The following LRRC4C variants were observed in gnomAD, a reference collection of about 807,000 sequenced individuals.
LRRC4C encodes the protein leucine rich repeat containing 4C.
In LRRC4C, 5 loss-of-function variants were observed where a neutral mutation model predicts 33.6. The observed-to-expected ratio is 0.15, with a 90% CI of 0.08 to 0.31. The LOEUF (loss-of-function observed/expected upper bound fraction) is 0.31. Among genes scored for constraint, LRRC4C ranks in the 10% least tolerant of loss-of-function variants. The probability of loss-of-function intolerance (pLI) is 1.00; values close to 1 mark genes in which losing one functional copy is unlikely to be tolerated. For missense variants in LRRC4C, 560 were observed against 796.7 expected (o/e 0.70, Z 3.58); for synonymous variants, 329 against 302.0 (o/e 1.09, Z -0.93).
At chr11:40,620,522 G>C (rs1439941884) in intron 3 of LRRC4C, among the ~76,000 whole-genome samples, 1 of 151,738 alleles carries the variant, frequency 6.6e-6, no homozygotes, top group Non-Finnish European at 1.5e-5. Flanking sequence ...AATTGAGAAA[G>C]AGTATGTATT....
At chr11:41,416,206 A>G (rs1954674045) in intron 1 of LRRC4C, among the ~76,000 whole-genome samples, 2 of 152,200 alleles carry the variant, frequency 1.3e-5, no homozygotes, top group African/African-American at 4.8e-5. Flanking sequence ...AAAATGGAAC[A>G]ACCGGGGCAA....
chr11:41,125,948 G>C (rs1942715306), intron 1 of LRRC4C, among the ~76,000 whole-genome samples: 1 of 152,066 alleles, frequency 6.6e-6, no homozygotes, highest in Non-Finnish European at 1.5e-5. Flanking sequence ...CCTTTTGTGA[G>C]CTATGTAATG....
intron 3 of LRRC4C, among the ~76,000 whole-genome samples, chr11:40,405,559 C>T (rs1949931016): frequency 6.7e-6 from 1 of 148,268 alleles, no homozygotes; most frequent in Admixed American, 6.7e-5. Context: ...ATCACTTGAA[C>T]CCAGGAGGCA....
chr11:40,313,689 G>C (rs2136778770), intron 4 of LRRC4C, among the ~76,000 whole-genome samples: 1 of 136,106 alleles, frequency 7.3e-6, no homozygotes, highest in South Asian at 2.3e-4. Flanking sequence ...CTCACTGCAA[G>C]CTCCACCTTC....
intron 2 of LRRC4C, among the ~76,000 whole-genome samples, chr11:40,720,822 G>T (rs959483933): frequency 6.6e-6 from 1 of 152,084 alleles, no homozygotes; most frequent in Non-Finnish European, 1.5e-5. Flanking sequence ...TGATGTATAG[G>T]TGTTATTCAT....
intron 1 of LRRC4C, among the ~76,000 whole-genome samples, chr11:41,005,002 T>C (rs1273311837): frequency 6.6e-6 from 1 of 151,888 alleles, no homozygotes; most frequent in Non-Finnish European, 1.5e-5. Flanking sequence ...ATTATTATTA[T>C]TATAATTATT....
intron 1 of LRRC4C, among the ~76,000 whole-genome samples, chr11:41,329,171 C>G (rs1951216194): frequency 6.6e-6 from 1 of 152,170 alleles, no homozygotes; most frequent in East Asian, 1.9e-4. Context: ...AAAGAATATG[C>G]TAACTTTCTA....
chr11:40,342,261 C>A (rs1946901792), intron 3 of LRRC4C, among the ~76,000 whole-genome samples: 1 of 151,970 alleles, frequency 6.6e-6, no homozygotes, highest in Non-Finnish European at 1.5e-5. Flanking sequence ...ATGAGGTCAA[C>A]AGATCAAGAC....
intron 1 of LRRC4C, among the ~76,000 whole-genome samples, chr11:41,147,882 A>G (rs976930134): frequency 6.6e-6 from 1 of 152,172 alleles, no homozygotes; most frequent in African/African-American, 2.4e-5. Flanking sequence ...TTGATCCAGG[A>G]GTCCAAGACC....
intron 1 of LRRC4C, among the ~76,000 whole-genome samples, chr11:41,295,014 GGTT>G (rs1412366489): frequency 6.6e-6 from 1 of 152,010 alleles, no homozygotes; most frequent in Non-Finnish European, 1.5e-5. Context: ...ACTTACACAC[GGTT>G]GTTATTGTAA....
chr11:40,935,052 T>C (rs1957810512), intron 1 of LRRC4C, among the ~76,000 whole-genome samples: 1 of 152,154 alleles, frequency 6.6e-6, no homozygotes, highest in Non-Finnish European at 1.5e-5. Context: ...TACAACATCT[T>C]TGACAAACAG....
chr11:40,925,301 T>G (rs541498037), intron 2 of LRRC4C, among the ~76,000 whole-genome samples: 1 of 152,218 alleles, frequency 6.6e-6, no homozygotes, highest in Non-Finnish European at 1.5e-5. Context: ...TGACAAGTGA[T>G]GTATGAGCAG....
At chr11:40,797,596 T>A (rs969348868) in intron 2 of LRRC4C, among the ~76,000 whole-genome samples, 1 of 152,186 alleles carries the variant, frequency 6.6e-6, no homozygotes, top group African/African-American at 2.4e-5. Context: ...ATTTCCAATT[T>A]CTCAGGACTC....
chr11:41,095,403 G>C (rs1940746658), intron 1 of LRRC4C, among the ~76,000 whole-genome samples: 1 of 152,250 alleles, frequency 6.6e-6, no homozygotes, highest in East Asian at 1.9e-4. Flanking sequence ...ATTAGGAGGG[G>C]TACTTAATAC....
intron 1 of LRRC4C, among the ~76,000 whole-genome samples, chr11:41,442,819 A>C (rs369834255): frequency 1.2e-4 from 18 of 152,002 alleles, no homozygotes; most frequent in African/African-American, 4.1e-4. Flanking sequence ...TATACTGTAT[A>C]ATCTGACATA....
rs574409463 is a variant in LRRC4C, at chr11:41,389,359, G to A, written c.-496+70072C>T. ...AGTCCCTGATTCTGATTCTGAGACTGCATAATTTATATCATGGTTGTGTCA... is the reference window on the plus strand; with the variant it reads ...AGTCCCTGATTCTGATTCTGAGACTACATAATTTATATCATGGTTGTGTCA... On this transcript the variant is annotated intron_variant, in intron 1 of 6. Transcript: ENST00000528697. Among the ~76,000 whole-genome samples the A allele has an allele frequency of 2.9e-3, 440 of 151,800 alleles. 4 individuals carry two copies. Among genetic ancestry groups the A allele is most frequent in the African/African-American group, 0.01 (421 of 41,450 alleles).
At chr11:41,072,370 A>T (rs10768663) in intron 1 of LRRC4C, among the ~76,000 whole-genome samples, 148,802 of 150,666 alleles carry the variant, frequency 0.99, 73,519 homozygotes, top group East Asian at 1. Flanking sequence ...TTTTAAAATT[A>T]AAAAAAAATT....
At chr11:40,746,631 C>T (rs996202992) in intron 2 of LRRC4C, among the ~76,000 whole-genome samples, 3 of 152,146 alleles carry the variant, frequency 2.0e-5, no homozygotes, top group Non-Finnish European at 4.4e-5. Flanking sequence ...CCCCACACAC[C>T]ATCAGAGGAC....
At chr11:40,854,515 A>G (rs1432432006) in intron 2 of LRRC4C, among the ~76,000 whole-genome samples, 1 of 152,100 alleles carries the variant, frequency 6.6e-6, no homozygotes, top group African/African-American at 2.4e-5. Flanking sequence ...TATACATAAA[A>G]TATATCCTTC....
Sources: gnomAD v4.1 joint callset for allele counts (sites outside exome capture counted in the v4.1 genomes callset) on GRCh38, gnomAD v4.1.1 for gene constraint, MANE v1.5 for transcripts, NCBI Gene and HGNC (gene_info 2026-07-23, HGNC 2026-07-21) for gene names.